The following FHIT variants were observed in gnomAD, a reference collection of about 807,000 sequenced individuals.
FHIT encodes fragile histidine triad diadenosine triphosphatase.
In FHIT, 19 loss-of-function variants were observed where a neutral mutation model predicts 17.9. The observed-to-expected ratio is 1.06, with a 90% confidence interval of 0.74 to 1.56. The LOEUF (loss-of-function observed/expected upper bound fraction) is 1.56, where lower values mean the gene tolerates loss of function less well. Ranked by LOEUF, FHIT falls within the 40% of genes most tolerant of loss-of-function variation. The pLI, the probability that FHIT is intolerant of heterozygous loss-of-function variation, is 0.00. For missense variants in FHIT, 248 were observed against 189.2 expected (o/e 1.31, Z -1.82); for synonymous variants, 81 against 69.7 (o/e 1.16, Z -0.81).
At chr3:60,688,727 C>T (rs1038087317) in intron 4 of FHIT, among the ~76,000 whole-genome samples, 46 of 152,036 alleles carry the variant, frequency 3.0e-4, no homozygotes, top group African/African-American at 5.6e-4. Context: ...CCCCTGTGTC[C>T]GGCCATGGTC....
At position 60,429,977 on chromosome 3, in the gene FHIT, A is replaced by T. The variant is rs546460327; in HGVS notation, c.103+106883T>A. 7.2e-5 allele frequency among the ~76,000 whole-genome samples: 11 copies of T among 152,072 alleles called. No individual in the cohort carries two copies. In the East Asian group the frequency reaches 2.0e-3, roughly 27 times the overall value. On this transcript the variant is annotated intron_variant, in intron 5 of 9. Coordinates refer to ENST00000492590, the MANE Select transcript of FHIT (RefSeq NM_002012.4). ...TCGCATGAAAAGGCAACAGAAGACC[A>T]TGTACCAGCTTAAGCCCGTGCCTTA...
At chr3:60,292,112 C>A (rs1708010938) in intron 5 of FHIT, among the ~76,000 whole-genome samples, 1 of 152,116 alleles carries the variant, frequency 6.6e-6, no homozygotes, top group Non-Finnish European at 1.5e-5. Flanking sequence ...GCTGTGGCGC[C>A]AACCTTGCCA....
At chr3:60,482,352 T>C (rs2033647836) in intron 5 of FHIT, among the ~76,000 whole-genome samples, 1 of 152,056 alleles carries the variant, frequency 6.6e-6, no homozygotes. Flanking sequence ...GCTACAGAAC[T>C]CCCTACCCCA....
At chr3:61,225,049 G>A (rs1022586227) in intron 1 of FHIT, among the ~76,000 whole-genome samples, 2 of 152,152 alleles carry the variant, frequency 1.3e-5, no homozygotes, top group African/African-American at 4.8e-5. Flanking sequence ...GCATGTAAGC[G>A]GCAGAGTTTA....
rs188675413 is a variant in FHIT, at chr3:60,035,574, A to G, written c.104-21422T>C. ...TTATAGGGAGGTCCCTCCCTTAAATATAAGTTTTGCAAACTTTCAGTTTGG... is the reference window on the plus strand; with the variant it reads ...TTATAGGGAGGTCCCTCCCTTAAATGTAAGTTTTGCAAACTTTCAGTTTGG... On this transcript the variant is annotated intron_variant, in intron 5 of 9. Transcript: ENST00000492590. Among the ~76,000 whole-genome samples, 454 of 152,314 alleles carry G rather than the reference A, an allele frequency of 3.0e-3. 3 individuals are homozygous for G. Among genetic ancestry groups the G allele is most frequent in the African/African-American group, 0.01 (423 of 41,570 alleles).
chr3:61,217,342 T>C (rs575867770), intron 1 of FHIT, among the ~76,000 whole-genome samples: 3 of 152,196 alleles, frequency 2.0e-5, no homozygotes, highest in African/African-American at 7.2e-5. Flanking sequence ...AGCTAGGGGC[T>C]GGGATCATCT....
intron 3 of FHIT, among the ~76,000 whole-genome samples, chr3:60,927,767 T>C (rs1237138163): frequency 6.6e-6 from 1 of 151,842 alleles, no homozygotes; most frequent in Non-Finnish European, 1.5e-5. Flanking sequence ...GCCTGGGAGG[T>C]GAGGAGCCCC....
intron 2 of FHIT, among the ~76,000 whole-genome samples, chr3:61,103,690 T>C (rs1005033986): frequency 7.2e-5 from 11 of 152,080 alleles, no homozygotes; most frequent in Admixed American, 6.6e-4. Flanking sequence ...TGGGAGTCTA[T>C]GTCTCTTTGT....
intron 3 of FHIT, among the ~76,000 whole-genome samples, chr3:60,946,358 C>G (rs1254706481): frequency 1.3e-5 from 2 of 152,202 alleles, no homozygotes; most frequent in Non-Finnish European, 2.9e-5. Context: ...TCGTGCATAA[C>G]AGTCTCATGT....
chr3:60,404,112 T>C (rs1359696450), intron 5 of FHIT, among the ~76,000 whole-genome samples: 2 of 152,186 alleles, frequency 1.3e-5, no homozygotes, highest in Admixed American at 1.3e-4. Flanking sequence ...TCACTTTAGC[T>C]TCTGATTGGT....
chr3:60,458,584 G>GTAATAA (rs143805080), intron 5 of FHIT, among the ~76,000 whole-genome samples: 14 of 150,752 alleles, frequency 9.3e-5, no homozygotes, highest in African/African-American at 2.9e-4. Context: ...AACTTAAAGT[G>GTAATAA]TAATAATAAT....
chr3:60,005,737 C>G (rs1699899017), intron 7 of FHIT, among the ~76,000 whole-genome samples: 1 of 152,178 alleles, frequency 6.6e-6, no homozygotes, highest in South Asian at 2.1e-4. Flanking sequence ...GGGCACTGTT[C>G]ACCATGGCTG....
At chr3:60,463,714 C>T (rs2032617601) in intron 5 of FHIT, among the ~76,000 whole-genome samples, 1 of 152,092 alleles carries the variant, frequency 6.6e-6, no homozygotes, top group Admixed American at 6.6e-5. Context: ...ACATGGTTTC[C>T]AATCAAAAAA....
Position 60,732,248 on chromosome 3 carries a change from G to A in FHIT, c.-18+89671C>T, listed in dbSNP as rs1363651723. 28 of 870,566 alleles carry A rather than the reference G, an allele frequency of 3.2e-5. No homozygotes were observed. In the Admixed American group the frequency reaches 4.8e-4, roughly 15 times the overall value. The allele number at this position is 870,566 out of a possible 1,614,324, so 53.9% of individuals were successfully genotyped here. A position where few individuals can be genotyped will look rare whatever the true frequency, so the allele number is the denominator to read the frequency against. On this transcript the variant is annotated intron_variant, in intron 4 of 9. Coordinates refer to ENST00000492590, the MANE Select transcript of FHIT (RefSeq NM_002012.4). ...TCCATGATATTCATGCCTTCACCAT[G>A]CCAAAGACCACATGCTTGCCATCCA... is the stretch of plus-strand genomic sequence containing the variant.
intron 3 of FHIT, among the ~76,000 whole-genome samples, chr3:60,849,067 A>G (rs75163235): frequency 0.025 from 3,740 of 152,216 alleles, 156 homozygotes; most frequent in African/African-American, 0.084. Context: ...ATGCAGACTG[A>G]ATATTTTTAT....
At chr3:60,836,080 C>T (rs1702532438) in intron 3 of FHIT, among the ~76,000 whole-genome samples, 1 of 152,156 alleles carries the variant, frequency 6.6e-6, no homozygotes, top group Admixed American at 6.5e-5. Flanking sequence ...TTAGAACTTC[C>T]TGCACTATGT....
intron 4 of FHIT, among the ~76,000 whole-genome samples, chr3:60,776,774 A>T (rs1398993926): frequency 1.3e-5 from 2 of 152,230 alleles, no homozygotes; most frequent in Non-Finnish European, 2.9e-5. Context: ...GAACAGTAAA[A>T]TGTGTTTTTC....
chr3:60,957,051 A>C (rs550160805), intron 3 of FHIT, among the ~76,000 whole-genome samples: 1 of 152,202 alleles, frequency 6.6e-6, no homozygotes, highest in East Asian at 1.9e-4. Context: ...TCCCCATGAA[A>C]TACACACATC....
rs11445450 is a variant in FHIT, at chr3:60,787,004, G to GAAA, written c.-18+34912_-18+34914dup. 7.9e-4 allele frequency among the ~76,000 whole-genome samples: 107 copies of GAAA among 135,842 alleles called. 1 individual carries two copies. Among genetic ancestry groups the GAAA allele is most frequent in the African/African-American group, 2.5e-3 (93 of 37,470 alleles). 89.1% of individuals were successfully genotyped at this position (135,842 alleles called of 152,430 possible). The stretch of plus-strand genomic sequence containing the variant: ...AGGAAAGAGGGAAATAAGACAAAAA[G>GAAA]AAAAAAAAAAAAACAAAACAGAAGT... On this transcript the variant is annotated intron_variant, in intron 4 of 9. Transcript: ENST00000492590.
Sources: allele counts gnomAD v4.1 joint callset (sites outside exome capture counted in the v4.1 genomes callset), GRCh38; gene constraint gnomAD v4.1.1; transcripts MANE v1.5; gene names NCBI Gene and HGNC (gene_info 2026-07-23, HGNC 2026-07-21).